The following SPATA13 variants were observed in gnomAD, a reference collection of about 807,000 sequenced individuals.
The protein encoded by SPATA13 is spermatogenesis-associated protein 13.
A neutral mutation model predicts 104.0 loss-of-function variants in SPATA13; 50 were observed. That is an observed-to-expected ratio of 0.48 (90% CI 0.38 to 0.61). The LOEUF (loss-of-function observed/expected upper bound fraction) is 0.61. Among genes scored for constraint, SPATA13 ranks in the 20% least tolerant of loss-of-function variants. The pLI, the probability that SPATA13 is intolerant of heterozygous loss-of-function variation, is 0.00. For missense variants in SPATA13, 1,524 were observed against 1,690.6 expected (o/e 0.90, Z 1.73); for synonymous variants, 606 against 667.5 (o/e 0.91, Z 1.42).
chr13:23,993,455 G>A (rs556685249), intron 2 of SPATA13, among the ~76,000 whole-genome samples: 14 of 152,130 alleles, frequency 9.2e-5, no homozygotes, highest in African/African-American at 2.9e-4. Flanking sequence ...GCACATTTAC[G>A]GCAATAAGGC....
upstream of SPATA13, among the ~76,000 whole-genome samples, chr13:24,155,824 A>G (rs1187172311): frequency 2.6e-5 from 4 of 152,184 alleles, no homozygotes; most frequent in African/African-American, 9.6e-5. Flanking sequence ...TTCTGTCCCC[A>G]TTAAGCAGTA....
chr13:24,300,594 G>A lies in SPATA13; in HGVS notation c.3658+119G>A, dbSNP rs551267957. ...GGAGCAAGGAGAACAGTAGAAGTTA[G>A]AACTCAAGGGCAGGTCCAGAACAGG... On this transcript the variant is annotated intron_variant, in intron 12 of 12. Coordinates refer to ENST00000382108, the MANE Select transcript of SPATA13 (RefSeq NM_001166271.3). 7 of 892,464 alleles carry A rather than the reference G, an allele frequency of 7.8e-6. No homozygotes were observed. In the African/African-American group the frequency reaches 8.3e-5, roughly 11 times the overall value. 55.3% of individuals were successfully genotyped at this position (892,464 alleles called of 1,614,324 possible).
At chr13:24,065,144 C>CA (rs1438838910) in intron 3 of SPATA13, among the ~76,000 whole-genome samples, 7 of 152,146 alleles carry the variant, frequency 4.6e-5, no homozygotes, top group African/African-American at 7.2e-5. Flanking sequence ...GTTTACCTGT[C>CA]AGGGGGATGT....
intron 2 of SPATA13, among the ~76,000 whole-genome samples, chr13:24,236,890 G>T (rs1301194489): frequency 6.6e-6 from 1 of 152,076 alleles, no homozygotes. Context: ...CCGTTTCTGG[G>T]TATATGTCCA....
chr13:24,036,876 A>G (rs1408630684), intron 3 of SPATA13, among the ~76,000 whole-genome samples: 5 of 151,972 alleles, frequency 3.3e-5, no homozygotes, highest in African/African-American at 9.7e-5. Flanking sequence ...CCTGGGTTCA[A>G]GCGATTCTCC....
At chr13:24,078,288 CA>C (rs1166829723) in intron 3 of SPATA13, among the ~76,000 whole-genome samples, 1 of 152,178 alleles carries the variant, frequency 6.6e-6, no homozygotes, top group Admixed American at 6.5e-5. Flanking sequence ...AGTTCTGACC[CA>C]ACCATTTACT....
At chr13:24,133,857 A>G (rs1021547863) in intron 3 of SPATA13, among the ~76,000 whole-genome samples, 2 of 152,234 alleles carry the variant, frequency 1.3e-5, no homozygotes, top group African/African-American at 4.8e-5. Flanking sequence ...CACTAGAGCG[A>G]GTCCCCAGGA....
intron 3 of SPATA13, among the ~76,000 whole-genome samples, chr13:24,144,472 T>A (rs548129518): frequency 1.4e-4 from 22 of 152,236 alleles, no homozygotes; most frequent in African/African-American, 4.3e-4. Context: ...AAGTTTCCTA[T>A]TTAAGAAGCG....
At chr13:24,196,385 G>A (rs1395583909) in intron 1 of SPATA13, among the ~76,000 whole-genome samples, 1 of 152,082 alleles carries the variant, frequency 6.6e-6, no homozygotes, top group Admixed American at 6.5e-5. Context: ...CCTATTTTTA[G>A]TATGTAATAA....
chr13:24,190,274 T>TATAA (rs1566141561), intron 1 of SPATA13, among the ~76,000 whole-genome samples: 401 of 17,334 alleles, frequency 0.023, 166 homozygotes, highest in Admixed American at 0.037. Context: ...ATATATATTA[T>TATAA]TATATATAAT....
At chr13:24,247,258 C>T (rs992591635) in intron 2 of SPATA13, among the ~76,000 whole-genome samples, 1 of 152,054 alleles carries the variant, frequency 6.6e-6, no homozygotes, top group East Asian at 1.9e-4. Context: ...GGAACCTGCA[C>T]GGGATTGTCT....
chr13:24,289,192 T>A lies in SPATA13; in HGVS notation c.2847+14T>A, dbSNP rs745329964. 1 of 1,594,264 alleles carries A rather than the reference T, an allele frequency of 6.3e-7. No homozygotes were observed. The highest frequency in any genetic ancestry group is 1.8e-5 in the Admixed American group (1 of 54,264). On this transcript the variant is annotated intron_variant, in intron 8 of 12. Transcript: ENST00000382108. ...TTTCTTCAAAATGTGCGTCACCCTTTACTTCATTATTAATAACATCTGCTT... is the reference window on the plus strand; with the variant it reads ...TTTCTTCAAAATGTGCGTCACCCTTAACTTCATTATTAATAACATCTGCTT...
chr13:23,982,138 T>G (rs1874931888), intron 1 of SPATA13, among the ~76,000 whole-genome samples: 1 of 152,232 alleles, frequency 6.6e-6, no homozygotes, highest in African/African-American at 2.4e-5. Context: ...AATACACTAG[T>G]TATCATTTAA....
intron 3 of SPATA13, among the ~76,000 whole-genome samples, chr13:24,118,793 G>A (rs757996879): frequency 1.3e-5 from 2 of 152,170 alleles, no homozygotes; most frequent in African/African-American, 2.4e-5. Context: ...GCAAATAACA[G>A]CAACAGGAAG....
chr13:23,989,421 C>CA (rs766075797), intron 2 of SPATA13, among the ~76,000 whole-genome samples: 501 of 119,712 alleles, frequency 4.2e-3, no homozygotes, highest in Non-Finnish European at 6.5e-3. Flanking sequence ...GATTTCATCT[C>CA]AAAAAAAAAA....
chr13:24,035,615 G>GA (rs1383176083), intron 3 of SPATA13, among the ~76,000 whole-genome samples: 2 of 152,150 alleles, frequency 1.3e-5, no homozygotes, highest in Non-Finnish European at 1.5e-5. Context: ...AAACAAGCCA[G>GA]AAAAACCTGA....
At chr13:23,982,968 T>C (rs897871625) in intron 1 of SPATA13, among the ~76,000 whole-genome samples, 3 of 152,202 alleles carry the variant, frequency 2.0e-5, no homozygotes, top group African/African-American at 7.2e-5. Flanking sequence ...AGAGAAACTC[T>C]TTCAAAAGAC....
chr13:24,044,702 T>C (rs1223456172), intron 3 of SPATA13, among the ~76,000 whole-genome samples: 2 of 152,186 alleles, frequency 1.3e-5, no homozygotes, highest in Admixed American at 6.5e-5. Flanking sequence ...TTCTAGTTAT[T>C]TTGAAATATA....
chr13:24,105,108 C>T (rs1046537371), intron 3 of SPATA13, among the ~76,000 whole-genome samples: 1 of 147,380 alleles, frequency 6.8e-6, no homozygotes, highest in African/African-American at 2.7e-5. Flanking sequence ...TGGCTTCTTA[C>T]AATCGTTTTG....
Sources: allele counts gnomAD v4.1 joint callset (sites outside exome capture counted in the v4.1 genomes callset), GRCh38; gene constraint gnomAD v4.1.1; transcripts MANE v1.5; gene names NCBI Gene and HGNC (gene_info 2026-07-23, HGNC 2026-07-21).